The following MEI4 variants were observed in gnomAD, a reference collection of about 807,000 sequenced individuals.
MEI4 encodes the protein meiotic double-stranded break formation protein 4.
MEI4 carries 27 observed loss-of-function variants against 31.4 expected under a neutral mutation model. The ratio of observed to expected loss-of-function variants is 0.86; its 90% CI spans 0.63 to 1.19. The LOEUF is 1.19. Among genes scored for constraint, MEI4 ranks in the 50% most tolerant of loss-of-function variants. The probability of loss-of-function intolerance (pLI) is 0.00; values close to 1 mark genes in which losing one functional copy is unlikely to be tolerated. For synonymous variants in MEI4, 122 were observed against 145.4 expected, an observed-to-expected ratio of 0.84 and a Z score of 1.16; for missense variants, 329 against 398.9, an observed-to-expected ratio of 0.82 and a Z score of 1.49.
At chr6:77,693,681 C>G (rs1382306192) in intron 2 of MEI4, among the ~76,000 whole-genome samples, 1 of 151,784 alleles carries the variant, frequency 6.6e-6, no homozygotes, top group Non-Finnish European at 1.5e-5. Context: ...AATGGAGTAA[C>G]TGTTAAAGGG....
chr6:77,706,861 C>T (rs13198844), intron 2 of MEI4, among the ~76,000 whole-genome samples: 15,555 of 152,166 alleles, frequency 0.1, 866 homozygotes, highest in South Asian at 0.18. Flanking sequence ...AGAAGCCAAG[C>T]GGATGCTGCC....
chr6:77,675,532 CT>C (rs71758588), intron 1 of MEI4, among the ~76,000 whole-genome samples: 24,742 of 139,906 alleles, frequency 0.18, 2,272 homozygotes, highest in East Asian at 0.27. Flanking sequence ...GGAAATATTG[CT>C]TTTTTTTTTT....
rs1562041649 is a variant in MEI4 at position 77,923,623 on chromosome 6, G to GTAAAATGGACCAT, written c.*281_*293dup. ...CAATATAGTTTAGCTCTATTATTCT[G>GTAAAATGGACCAT]TAAAATGGACCATTAATTGTCTGTC... is the stretch of plus-strand genomic sequence containing the variant. On this transcript the variant is annotated 3_prime_UTR_variant, in exon 5 of 5. Coordinates refer to ENST00000684080, the MANE Select transcript of MEI4 (RefSeq NM_001322247.2). 1 of 208,288 alleles carries GTAAAATGGACCAT rather than the reference G, an allele frequency of 4.8e-6. No homozygotes were observed. The highest frequency in any genetic ancestry group is 2.3e-5 in the African/African-American group (1 of 43,822). 12.9% of individuals were successfully genotyped at this position (208,288 alleles called of 1,614,324 possible).
At chr6:77,871,267 C>G (rs927457165) in intron 4 of MEI4, among the ~76,000 whole-genome samples, 1 of 152,158 alleles carries the variant, frequency 6.6e-6, no homozygotes, top group East Asian at 1.9e-4. Context: ...GAATCTTGAC[C>G]CCTCGTGTTC....
intron 3 of MEI4, among the ~76,000 whole-genome samples, chr6:77,767,693 T>TCA (rs10612233): frequency 0.056 from 8,313 of 149,238 alleles, 258 homozygotes; most frequent in East Asian, 0.089. Flanking sequence ...CAGGAAACTG[T>TCA]CACACACACA....
intron 4 of MEI4, among the ~76,000 whole-genome samples, chr6:77,864,798 A>G (rs1480969708): frequency 2.6e-5 from 4 of 152,290 alleles, no homozygotes; most frequent in Admixed American, 2.6e-4. Flanking sequence ...GCACCACACC[A>G]CACCTATTCC....
chr6:77,667,135 T>C (rs1230854453), intron 1 of MEI4, among the ~76,000 whole-genome samples: 1 of 152,210 alleles, frequency 6.6e-6, no homozygotes, highest in African/African-American at 2.4e-5. Context: ...TTTAATTTCC[T>C]TAGCTCTAAA....
intron 1 of MEI4, among the ~76,000 whole-genome samples, chr6:77,682,663 A>G (rs1768980631): frequency 6.6e-6 from 1 of 152,160 alleles, no homozygotes; most frequent in African/African-American, 2.4e-5. Flanking sequence ...TGTAAGACCT[A>G]TATTGATGTA....
At chr6:77,794,955 G>A (rs950885862) in intron 3 of MEI4, among the ~76,000 whole-genome samples, 2 of 152,030 alleles carry the variant, frequency 1.3e-5, no homozygotes, top group Non-Finnish European at 2.9e-5. Context: ...AAATTCACAA[G>A]GATGTGCATT....
chr6:77,744,235 A>C (rs1012918349), intron 2 of MEI4, among the ~76,000 whole-genome samples: 2 of 152,156 alleles, frequency 1.3e-5, no homozygotes, highest in Admixed American at 6.5e-5. Context: ...AATTTAGACG[A>C]ATGTATAACT....
At chr6:77,923,053 C>CATTTTTCTTAGGTAATTTATAG (rs1766746507) in intron 4 of MEI4, 36 bp from the exon 5 acceptor site, 1 of 1,207,930 alleles carries the variant, frequency 8.3e-7, no homozygotes, top group Admixed American at 4.3e-5. Context: ...GTAATTTATA[C>CATTTTTCTTAGGTAATTTATAG]CCAATTTTTT....
chr6:77,788,018 A>G (rs1768794757), intron 3 of MEI4, among the ~76,000 whole-genome samples: 1 of 152,142 alleles, frequency 6.6e-6, no homozygotes, highest in Admixed American at 6.6e-5. Flanking sequence ...GGCCTCATAA[A>G]ATGAGTTAGG....
chr6:77,682,632 T>A (rs1211701078), intron 1 of MEI4, among the ~76,000 whole-genome samples: 1 of 152,166 alleles, frequency 6.6e-6, no homozygotes, highest in East Asian at 1.9e-4. Flanking sequence ...GGGTTAAGAG[T>A]TGGCCAAGTA....
At chr6:77,918,842 G>T (rs972483604) in intron 4 of MEI4, among the ~76,000 whole-genome samples, 1 of 151,978 alleles carries the variant, frequency 6.6e-6, no homozygotes, top group Non-Finnish European at 1.5e-5. Flanking sequence ...TCCCTGTCTT[G>T]TGCCAGTTTT....
chr6:77,875,838 G>T (rs1193942633), intron 4 of MEI4, among the ~76,000 whole-genome samples: 1 of 152,110 alleles, frequency 6.6e-6, no homozygotes, highest in Non-Finnish European at 1.5e-5. Flanking sequence ...GGAACTCTAG[G>T]ACACAAGGAA....
intron 1 of MEI4, among the ~76,000 whole-genome samples, chr6:77,667,622 C>A (rs1421559071): frequency 1.3e-5 from 2 of 152,086 alleles, no homozygotes; most frequent in Admixed American, 1.3e-4. Context: ...GGGAGAAAGA[C>A]CCCCAAATGG....
intron 4 of MEI4, among the ~76,000 whole-genome samples, chr6:77,830,392 A>G (rs1379388065): frequency 1.3e-5 from 2 of 152,120 alleles, no homozygotes; most frequent in Non-Finnish European, 2.9e-5. Flanking sequence ...AATATTCGCA[A>G]TAGCTCCATG....
intron 3 of MEI4, among the ~76,000 whole-genome samples, chr6:77,768,594 G>C (rs900078390): frequency 1.4e-4 from 22 of 152,100 alleles, no homozygotes; most frequent in African/African-American, 4.8e-4. Flanking sequence ...CAGCTACTTG[G>C]GAGAATGAGG....
chr6:77,750,498 C>G (rs1270137718), intron 2 of MEI4, among the ~76,000 whole-genome samples: 1 of 152,048 alleles, frequency 6.6e-6, no homozygotes, highest in African/African-American at 2.4e-5. Context: ...GACTTTAAAC[C>G]AACAAAGATC....
Sources: gnomAD v4.1 joint callset for allele counts (sites outside exome capture counted in the v4.1 genomes callset) on GRCh38, gnomAD v4.1.1 for gene constraint, MANE v1.5 for transcripts, NCBI Gene and HGNC (gene_info 2026-07-23, HGNC 2026-07-21) for gene names.